Variants in CCDC149 observed in about 807,000 individuals in gnomAD.
The protein encoded by CCDC149 is coiled-coil domain-containing protein 149.
Under a neutral mutation model 59.9 loss-of-function variants are expected in CCDC149, and 45 were observed. That is an observed-to-expected ratio of 0.75 (90% CI 0.59 to 0.96). The LOEUF is 0.96. CCDC149 is among the 40% of genes least tolerant of loss of function. The probability of loss-of-function intolerance (pLI) is 0.00; values close to 1 mark genes in which losing one functional copy is unlikely to be tolerated. For missense variants in CCDC149, 584 were observed against 664.7 expected (o/e 0.88, Z 1.33); for synonymous variants, 245 against 260.6 (o/e 0.94, Z 0.58).
intron 1 of CCDC149, among the ~76,000 whole-genome samples, chr4:24,884,563 A>C (rs922611337): frequency 6.6e-6 from 1 of 152,238 alleles, no homozygotes; most frequent in Non-Finnish European, 1.5e-5. Context: ...ACTTTAAAAG[A>C]GACACAAAAC....
At chr4:24,833,502 TA>T (rs1716298779) in intron 8 of CCDC149, among the ~76,000 whole-genome samples, 1 of 152,140 alleles carries the variant, frequency 6.6e-6, no homozygotes, top group African/African-American at 2.4e-5. Context: ...CACACGCCTG[TA>T]GTCCCAGCTA....
chr4:24,940,736 G>C (rs1183426021), intron 1 of CCDC149, among the ~76,000 whole-genome samples: 7 of 152,024 alleles, frequency 4.6e-5, no homozygotes, highest in Non-Finnish European at 8.8e-5. Context: ...AAAAGGCAGG[G>C]GTTGTAATTC....
At chr4:24,951,188 C>T (rs1431661457) in intron 1 of CCDC149, among the ~76,000 whole-genome samples, 3 of 152,240 alleles carry the variant, frequency 2.0e-5, no homozygotes, top group Non-Finnish European at 4.4e-5. Flanking sequence ...TGCATGCCTC[C>T]TCATTTAAAT....
rs540543587 is a variant in CCDC149, at chr4:24,941,566, T to C, written c.-65+38503A>G. On this transcript the variant is annotated intron_variant, in intron 1 of 12. Transcript: ENST00000389609. ...AAGATCAGAGCAGAACTGAAGGAAA[T>C]CGAGACACAAAAAACCCTTCAAAAA... is the stretch of plus-strand genomic sequence containing the variant. 7.1e-4 allele frequency among the ~76,000 whole-genome samples: 108 copies of C among 151,930 alleles called. 1 individual carries two copies. The East Asian group carries it at 0.017, about 24-fold the overall frequency.
intron 3 of CCDC149, among the ~76,000 whole-genome samples, chr4:24,862,008 A>C (rs800483): frequency 0.073 from 11,088 of 152,232 alleles, 491 homozygotes; most frequent in South Asian, 0.14. Flanking sequence ...AGATGGTGTC[A>C]CCCACTTCAG....
intron 8 of CCDC149, 136 bp downstream of exon 8, chr4:24,834,812 T>C: frequency 1.8e-6 from 1 of 543,726 alleles, no homozygotes; most frequent in Non-Finnish European, 3.2e-6. Context: ...CTGATGCACG[T>C]GGAAGTCGGG....
At chr4:24,967,103 G>T (rs1380221765) in intron 1 of CCDC149, among the ~76,000 whole-genome samples, 2 of 152,182 alleles carry the variant, frequency 1.3e-5, no homozygotes, top group Non-Finnish European at 2.9e-5. Context: ...TACTGTGTAT[G>T]TCTCTCCCAT....
chr4:24,865,791 A>G (rs187239417), intron 3 of CCDC149, among the ~76,000 whole-genome samples: 25 of 152,306 alleles, frequency 1.6e-4, no homozygotes, highest in African/African-American at 5.1e-4. Context: ...ATTGAGCCTA[A>G]ATTTCCTCAT....
At chr4:24,841,801 T>A (rs572870533) in intron 4 of CCDC149, among the ~76,000 whole-genome samples, 1 of 152,250 alleles carries the variant, frequency 6.6e-6, no homozygotes, top group South Asian at 2.1e-4. Flanking sequence ...GCAGTAAAAG[T>A]GTAGGCATGA....
intron 4 of CCDC149, among the ~76,000 whole-genome samples, chr4:24,843,101 A>C (rs1009453663): frequency 3.9e-5 from 6 of 152,256 alleles, no homozygotes; most frequent in Non-Finnish European, 8.8e-5. Flanking sequence ...CCATCTGTGG[A>C]GATCACTTTA....
intron 3 of CCDC149, 29 bp from the exon 4 acceptor site, chr4:24,853,208 A>G (rs1263339825): frequency 6.6e-7 from 1 of 1,509,564 alleles, no homozygotes; most frequent in South Asian, 1.1e-5. Context: ...TATGAAATAC[A>G]ATCAGAAATG....
chr4:24,905,685 C>T (rs1425775596), intron 1 of CCDC149, among the ~76,000 whole-genome samples: 1 of 152,186 alleles, frequency 6.6e-6, no homozygotes, highest in African/African-American at 2.4e-5. Flanking sequence ...ATCCACCTGC[C>T]TTGGCCTCCC....
intron 4 of CCDC149, among the ~76,000 whole-genome samples, chr4:24,839,063 G>GAGAGAGAA (rs1716756034): frequency 1.7e-5 from 1 of 60,016 alleles, no homozygotes. Flanking sequence ...CACACACACA[G>GAGAGAGAA]AGAGAGAGAG....
chr4:24,804,863 AACT>A (rs1714076310), downstream of CCDC149, among the ~76,000 whole-genome samples: 1 of 152,182 alleles, frequency 6.6e-6, no homozygotes, highest in African/African-American at 2.4e-5. Context: ...ACGATGGGCA[AACT>A]AATTTAGCTT....
At chr4:24,853,992 C>T (rs899789429) in intron 3 of CCDC149, among the ~76,000 whole-genome samples, 1 of 152,148 alleles carries the variant, frequency 6.6e-6, no homozygotes, top group African/African-American at 2.4e-5. Context: ...GATTTGCCTC[C>T]TGTTGGGATC....
At chr4:24,826,244 G>A (rs535221038) in intron 9 of CCDC149, among the ~76,000 whole-genome samples, 211 of 152,286 alleles carry the variant, frequency 1.4e-3, no homozygotes, top group African/African-American at 4.8e-3. Flanking sequence ...ACAGGTGTGA[G>A]CCACCGTGCC....
intron 1 of CCDC149, among the ~76,000 whole-genome samples, chr4:24,878,826 T>C (rs1719648072): frequency 6.6e-6 from 1 of 152,198 alleles, no homozygotes; most frequent in African/African-American, 2.4e-5. Context: ...CTGCTGACTG[T>C]CAAAGTGGAA....
chr4:24,897,753 G>T (rs1413050461), intron 1 of CCDC149, among the ~76,000 whole-genome samples: 2 of 152,174 alleles, frequency 1.3e-5, no homozygotes, highest in Non-Finnish European at 2.9e-5. Flanking sequence ...TTGGATTTGG[G>T]CATGAGTTCG....
At chr4:24,960,394 A>T (rs1362603982) in intron 1 of CCDC149, among the ~76,000 whole-genome samples, 1 of 152,190 alleles carries the variant, frequency 6.6e-6, no homozygotes, top group East Asian at 1.9e-4. Context: ...CCCAAAGAAG[A>T]CAGAAACAAA....
Sources: allele counts gnomAD v4.1 joint callset (sites outside exome capture counted in the v4.1 genomes callset), GRCh38; gene constraint gnomAD v4.1.1; transcripts MANE v1.5; gene names NCBI Gene and HGNC (gene_info 2026-07-23, HGNC 2026-07-21).